The following FAIM2 variants were observed in gnomAD, a reference collection of about 807,000 sequenced individuals.
FAIM2 encodes Fas apoptotic inhibitory molecule 2, also known as protein lifeguard 2.
FAIM2 carries 27 observed loss-of-function variants against 47.4 expected under a neutral mutation model. The observed-to-expected ratio is 0.57, with a 90% CI of 0.42 to 0.78. The LOEUF is 0.78. Ranked by LOEUF, FAIM2 falls within the 30% of genes least tolerant of loss-of-function variation. The pLI is 0.00. For missense variants in FAIM2, 311 were observed against 389.4 expected (o/e 0.80, Z 1.69); for synonymous variants, 156 against 159.3 (o/e 0.98, Z 0.16).
In FAIM2 at chr12:49,868,835, C is replaced by T. The variant is rs909132278; in HGVS notation, c.*1669G>A. 1 of 152,348 alleles carries T rather than the reference C, an allele frequency of 6.6e-6. No homozygotes were observed. Among genetic ancestry groups the T allele is most frequent in the Non-Finnish European group, 1.5e-5 (1 of 68,144 alleles). The allele number at this position is 152,348 out of a possible 1,614,324, so 9.4% of individuals were successfully genotyped here. On this transcript the variant is annotated 3_prime_UTR_variant, in exon 12 of 12. Coordinates refer to ENST00000320634, the MANE Select transcript of FAIM2 (RefSeq NM_012306.4). The stretch of plus-strand genomic sequence containing the variant: ...CCGTGCCCCCAATGCCTTTGCTGCA[C>T]ACACACCACCCGCCAGTTCTTGGCT...
intron 11 of FAIM2, among the ~76,000 whole-genome samples, chr12:49,880,506 G>GTGTGTGTGT (rs1565615026): frequency 3.4e-5 from 3 of 87,562 alleles, no homozygotes; most frequent in African/African-American, 1.1e-4. Flanking sequence ...GTGTGTGTAT[G>GTGTGTGTGT]AGTGTGTATG....
At position 49,890,133 on chromosome 12, in the gene FAIM2, T is replaced by A. The variant is rs973528985; in HGVS notation, c.547A>T (p.Thr183Ser). 3 of 1,613,978 alleles carry A rather than the reference T, an allele frequency of 1.9e-6. No homozygotes were observed. The highest frequency in any genetic ancestry group is 2.5e-6 in the Non-Finnish European group (3 of 1,179,932). Residue 183 changes from threonine (T) to serine (S), a missense_variant, in exon 8 of 12, where the codon ACT becomes TCT. Physicochemically the swap from Thr to Ser is moderately conservative, Grantham distance 58. Coordinates refer to ENST00000320634, the MANE Select transcript of FAIM2 (RefSeq NM_012306.4). ...TVFTLSMAYL[T>S]GMLSSYYNTT... The stretch of plus-strand genomic sequence containing the variant: ...TCCCTTTACCTGGACAGCATCCCAG[T>A]GAGGTAGGCCATGGACAGGGTCTGA...
intron 5 of FAIM2, among the ~76,000 whole-genome samples, chr12:49,892,566 T>A (rs1220642412): frequency 6.6e-6 from 1 of 152,136 alleles, no homozygotes; most frequent in Non-Finnish European, 1.5e-5. Flanking sequence ...CTTCTCAACA[T>A]CTGGTCACTA....
chr12:49,900,054 C>A (rs1052785069), intron 2 of FAIM2: 1 of 398,030 alleles, frequency 2.5e-6, no homozygotes, highest in Non-Finnish European at 4.6e-6. Context: ...ACATATTCTG[C>A]GAAAGCCCAG....
chr12:49,890,005 C>T (rs1303930423), intron 8 of FAIM2, 112 bp downstream of exon 8: 11 of 1,072,666 alleles, frequency 1.0e-5, no homozygotes, highest in Non-Finnish European at 1.3e-5. Flanking sequence ...CCTGAGCCCC[C>T]GGGCCCATCC....
rs1156307184 is a variant in FAIM2 at position 49,870,366 on chromosome 12, T to C, written c.*138A>G. ...ATGTACAAGCGGCAGAGGGCTGGGC[T>C]GGGCTGGGGTAGACAGTGACCTGGC... is the stretch of plus-strand genomic sequence containing the variant. On this transcript the variant is annotated 3_prime_UTR_variant, in exon 12 of 12. Coordinates refer to ENST00000320634, the MANE Select transcript of FAIM2 (RefSeq NM_012306.4). 1.0e-5 allele frequency: 8 copies of C among 771,184 alleles called. No homozygotes were observed. The highest frequency in any genetic ancestry group is 1.7e-5 in the Non-Finnish European group (8 of 469,384). 47.8% of individuals were successfully genotyped at this position (771,184 alleles called of 1,614,324 possible). A position where few individuals can be genotyped will look rare whatever the true frequency, so the allele number is the denominator to read the frequency against.
chr12:49,900,156 C>A, intron 2 of FAIM2: 1 of 1,271,242 alleles, frequency 7.9e-7, no homozygotes, highest in South Asian at 1.2e-5. Flanking sequence ...AACACCAGAC[C>A]TTCATTGACC....
intron 11 of FAIM2, among the ~76,000 whole-genome samples, chr12:49,879,284 A>ATGTGTATG (rs1946779941): frequency 5.8e-5 from 1 of 17,300 alleles, no homozygotes; most frequent in Non-Finnish European, 9.8e-5. Context: ...ATATGTGTGT[A>ATGTGTATG]TGTGTGTGGG....
At chr12:49,873,639 T>C (rs960755785) in intron 11 of FAIM2, among the ~76,000 whole-genome samples, 4 of 152,268 alleles carry the variant, frequency 2.6e-5, no homozygotes, top group African/African-American at 9.6e-5. Context: ...GGGTGGCCCT[T>C]CTGAGAAGCA....
At chr12:49,875,700 G>A (rs2137080278) in intron 11 of FAIM2, among the ~76,000 whole-genome samples, 1 of 152,310 alleles carries the variant, frequency 6.6e-6, no homozygotes, top group African/African-American at 2.4e-5. Flanking sequence ...AGTGGGCCAG[G>A]TGCGGTGGTT....
chr12:49,882,552 T>C (rs1482968498), intron 11 of FAIM2, among the ~76,000 whole-genome samples: 1 of 152,122 alleles, frequency 6.6e-6, no homozygotes, highest in Non-Finnish European at 1.5e-5. Flanking sequence ...ATGCTCTCCA[T>C]TGTTGTTTCT....
rs1946672542 is a variant in FAIM2, at chr12:49,867,606, CG to C, written c.*2897del. 6.6e-6 allele frequency: 1 copy of C among 152,284 alleles called. No homozygotes were observed. The highest frequency in any genetic ancestry group is 2.1e-4 in the South Asian group (1 of 4,832). 9.4% of individuals were successfully genotyped at this position (152,284 alleles called of 1,614,324 possible). ...GTGGGAGACCCCTCAACTCACATTC[CG>C]GACAGTCAGATTCCTGGCTGCCTCC... On this transcript the variant is annotated 3_prime_UTR_variant, in exon 12 of 12. Coordinates refer to ENST00000320634, the MANE Select transcript of FAIM2 (RefSeq NM_012306.4).
chr12:49,899,899 T>C (rs1176354886), intron 2 of FAIM2, among the ~76,000 whole-genome samples: 1 of 152,162 alleles, frequency 6.6e-6, no homozygotes, highest in African/African-American at 2.4e-5. Flanking sequence ...GCCTCGACAG[T>C]TCCTTGGAAA....
chr12:49,877,369 C>T (rs928121736), intron 11 of FAIM2, among the ~76,000 whole-genome samples: 1 of 152,182 alleles, frequency 6.6e-6, no homozygotes, highest in Non-Finnish European at 1.5e-5. Flanking sequence ...GGTGGGGCGT[C>T]GGGGAGGCCT....
intron 11 of FAIM2, among the ~76,000 whole-genome samples, chr12:49,877,473 C>G (rs764363253): frequency 7.6e-5 from 1 of 13,106 alleles, no homozygotes; most frequent in Admixed American, 1.0e-3. Flanking sequence ...TAACGCATTG[C>G]GAGAAATGGG....
At chr12:49,870,829 A>G (rs1251123909) in intron 11 of FAIM2, among the ~76,000 whole-genome samples, 176 bp from the exon 12 acceptor site, 7 of 152,136 alleles carry the variant, frequency 4.6e-5, no homozygotes, top group African/African-American at 1.4e-4. Flanking sequence ...TTCAGCAGCT[A>G]TTTACTGAGC....
At chr12:49,890,060 G>A (rs1946888830) in intron 8 of FAIM2, 57 bp downstream of exon 8, 2 of 1,559,574 alleles carry the variant, frequency 1.3e-6, no homozygotes, top group South Asian at 1.1e-5. Context: ...GGTGTGGCTG[G>A]TGCCTGGCTC....
At chr12:49,895,863 C>CCA (rs1946933075) in intron 5 of FAIM2, among the ~76,000 whole-genome samples, 3 of 152,220 alleles carry the variant, frequency 2.0e-5, no homozygotes, top group South Asian at 4.1e-4. Context: ...CTTGGCCAGG[C>CCA]AGTCAGAACC....
intron 5 of FAIM2, among the ~76,000 whole-genome samples, chr12:49,895,275 C>A (rs924962610): frequency 1.3e-5 from 2 of 152,056 alleles, no homozygotes; most frequent in Non-Finnish European, 2.9e-5. Context: ...AGGAGGGACT[C>A]CAGATCTCAC....
Sources: gnomAD v4.1 joint callset for allele counts (sites outside exome capture counted in the v4.1 genomes callset) on GRCh38, gnomAD v4.1.1 for gene constraint, MANE v1.5 for transcripts, NCBI Gene and HGNC (gene_info 2026-07-23, HGNC 2026-07-21) for gene names.